The following CNTNAP2 variants were observed in gnomAD, a reference collection of about 807,000 sequenced individuals.
CNTNAP2 encodes contactin associated protein 2.
Under a neutral mutation model 155.2 loss-of-function variants are expected in CNTNAP2, and 98 were observed. That is an observed-to-expected ratio of 0.63 (90% CI 0.54 to 0.75). The LOEUF (loss-of-function observed/expected upper bound fraction) is 0.75, where lower values mean the gene tolerates loss of function less well. Among genes scored for constraint, CNTNAP2 ranks in the 30% least tolerant of loss-of-function variants. The pLI, the probability that CNTNAP2 is intolerant of heterozygous loss-of-function variation, is 0.00. For missense variants in CNTNAP2, 1,727 were observed against 1,688.1 expected (o/e 1.02, Z -0.40); for synonymous variants, 651 against 631.2 (o/e 1.03, Z -0.47).
chr7:147,207,190 A>G (rs1803040023), intron 8 of CNTNAP2, among the ~76,000 whole-genome samples: 2 of 152,166 alleles, frequency 1.3e-5, no homozygotes, highest in Admixed American at 6.5e-5. Context: ...GCCTTTTAAT[A>G]AAGAGGAAAA....
intron 3 of CNTNAP2, among the ~76,000 whole-genome samples, chr7:147,022,209 A>G (rs1282288118): frequency 2.0e-5 from 3 of 152,048 alleles, no homozygotes; most frequent in Non-Finnish European, 4.4e-5. Flanking sequence ...CTTTGGTCTG[A>G]TTTCATTGTA....
intron 3 of CNTNAP2, among the ~76,000 whole-genome samples, chr7:146,903,739 G>A (rs753423283): frequency 2.0e-5 from 3 of 152,134 alleles, no homozygotes; most frequent in Admixed American, 6.5e-5. Context: ...GCAAAGAGAA[G>A]ATATTAATCA....
intron 11 of CNTNAP2, among the ~76,000 whole-genome samples, chr7:147,549,996 A>C (rs1329725568): frequency 2.0e-5 from 3 of 152,156 alleles, no homozygotes; most frequent in Non-Finnish European, 4.4e-5. Context: ...ATTTTCTCTG[A>C]GGGGGGAATA....
chr7:146,225,741 A>G (rs1422443824), intron 1 of CNTNAP2, among the ~76,000 whole-genome samples: 1 of 152,210 alleles, frequency 6.6e-6, no homozygotes, highest in Non-Finnish European at 1.5e-5. Flanking sequence ...GAACTACAGT[A>G]GCTTGTCTTC....
chr7:146,261,456 A>G (rs926811341), intron 1 of CNTNAP2, among the ~76,000 whole-genome samples: 1 of 151,790 alleles, frequency 6.6e-6, no homozygotes, highest in Non-Finnish European at 1.5e-5. Context: ...ATAATAAATA[A>G]TATAGAATTT....
intron 3 of CNTNAP2, among the ~76,000 whole-genome samples, chr7:146,992,782 T>C (rs1246750520): frequency 6.6e-6 from 1 of 152,212 alleles, no homozygotes; most frequent in African/African-American, 2.4e-5. Flanking sequence ...ATACTTATTA[T>C]ATAAATTTTT....
At chr7:147,515,189 C>T (rs1219625936) in intron 11 of CNTNAP2, among the ~76,000 whole-genome samples, 1 of 152,142 alleles carries the variant, frequency 6.6e-6, no homozygotes, top group Non-Finnish European at 1.5e-5. Context: ...TCCATCAACT[C>T]CATCCAGTCA....
At chr7:146,463,039 G>A (rs1796662085) in intron 1 of CNTNAP2, among the ~76,000 whole-genome samples, 1 of 152,078 alleles carries the variant, frequency 6.6e-6, no homozygotes, top group African/African-American at 2.4e-5. Context: ...TTCGTCATGG[G>A]AGCAAGGGAA....
chr7:148,416,006 A>G lies in CNTNAP2; in HGVS notation c.*390A>G, dbSNP rs1370430047. The G allele has an allele frequency of 4.3e-6, 1 of 230,782 alleles. No homozygotes were observed. The highest frequency in any genetic ancestry group is 8.5e-6 in the Non-Finnish European group (1 of 118,334). The allele number at this position is 230,782 out of a possible 1,614,324, so 14.3% of individuals were successfully genotyped here. A position where few individuals can be genotyped will look rare whatever the true frequency, so the allele number is the denominator to read the frequency against. Reference sequence around the variant, plus strand: ...GAACGTGGGTATTTTTTTTCTTGAGAAAAGCTAATGCACCTACAGATGGCC... The same window carrying G: ...GAACGTGGGTATTTTTTTTCTTGAGGAAAGCTAATGCACCTACAGATGGCC... On this transcript the variant is annotated 3_prime_UTR_variant, in exon 24 of 24. Transcript: ENST00000361727.
rs74327904 is a variant in CNTNAP2, at chr7:147,587,467, A to G, written c.1897+25210A>G. On this transcript the variant is annotated intron_variant, in intron 12 of 23. Transcript: ENST00000361727. ...TGTTTTCTGCATGGCTGCTTTGCTT[A>G]CATTTCAGCATACTTTACCTCAGTT... 6.5e-3 allele frequency among the ~76,000 whole-genome samples: 991 copies of G among 152,310 alleles called. 11 individuals carry two copies. Among genetic ancestry groups the G allele is most frequent in the African/African-American group, 0.023 (949 of 41,572 alleles).
At chr7:146,588,042 A>G (rs1194098737) in intron 1 of CNTNAP2, among the ~76,000 whole-genome samples, 1 of 150,046 alleles carries the variant, frequency 6.7e-6, no homozygotes, top group East Asian at 2.0e-4. Context: ...GTAAATGTCA[A>G]TGGTATTAGA....
At chr7:147,525,360 T>C (rs1462270824) in intron 11 of CNTNAP2, among the ~76,000 whole-genome samples, 1 of 152,132 alleles carries the variant, frequency 6.6e-6, no homozygotes, top group East Asian at 1.9e-4. Context: ...TCAAAGTCCT[T>C]AAATCATATT....
At chr7:147,643,563 C>A (rs757822226) in intron 13 of CNTNAP2, 5 of 151,814 alleles carry the variant, frequency 3.3e-5, no homozygotes, top group Admixed American at 6.6e-5. Context: ...TTTCCTCCTT[C>A]ATGGTAACAT....
Position 148,295,316 on chromosome 7 carries a change from C to T in CNTNAP2, c.3475+28190C>T, listed in dbSNP as rs1009933002. ...AAATGAAATTGTAAAGACCCTAAGT[C>T]GTGCTCAAGGCTCTTCTTCTATCTT... On this transcript the variant is annotated intron_variant, in intron 21 of 23. Transcript: ENST00000361727. Among the ~76,000 whole-genome samples, 6 of 152,068 alleles carry T rather than the reference C, an allele frequency of 3.9e-5. No homozygotes were observed. The East Asian group carries it at 1.2e-3, about 29-fold the overall frequency.
intron 1 of CNTNAP2, among the ~76,000 whole-genome samples, chr7:146,294,322 C>T (rs1308614420): frequency 6.6e-6 from 1 of 152,140 alleles, no homozygotes; most frequent in Non-Finnish European, 1.5e-5. Context: ...AGCCGGACTG[C>T]GCAAAGGACT....
At chr7:147,713,038 C>T (rs537375108) in intron 13 of CNTNAP2, among the ~76,000 whole-genome samples, 27 of 152,244 alleles carry the variant, frequency 1.8e-4, no homozygotes, top group African/African-American at 6.0e-4. Flanking sequence ...CCTCATAATT[C>T]CGCAACCAAT....
Position 148,418,384 on chromosome 7 carries a change from T to C in CNTNAP2, c.*2768T>C, listed in dbSNP as rs1800040290. The C allele has an allele frequency of 6.6e-6, 1 of 152,224 alleles. No individual in the cohort carries two copies. The allele number at this position is 152,224 out of a possible 1,614,324, so 9.4% of individuals were successfully genotyped here. ...TGACATCTTACATTCCAATACATTA[T>C]CAAGCAAGCACAAGTATGCTGGTAG... On this transcript the variant is annotated 3_prime_UTR_variant, in exon 24 of 24. Coordinates refer to ENST00000361727, the MANE Select transcript of CNTNAP2 (RefSeq NM_014141.6).
intron 13 of CNTNAP2, among the ~76,000 whole-genome samples, chr7:147,827,452 A>G (rs1267777425): frequency 6.6e-6 from 1 of 152,214 alleles, no homozygotes; most frequent in East Asian, 1.9e-4. Flanking sequence ...ATAGCACATA[A>G]CAAAAAAAAT....
intron 1 of CNTNAP2, among the ~76,000 whole-genome samples, chr7:146,615,784 T>A (rs760367878): frequency 7.2e-5 from 11 of 152,200 alleles, no homozygotes; most frequent in Non-Finnish European, 1.2e-4. Context: ...AGACACAGTA[T>A]ACATTGCTTC....
Sources: gnomAD v4.1 joint callset for allele counts (sites outside exome capture counted in the v4.1 genomes callset) on GRCh38, gnomAD v4.1.1 for gene constraint, MANE v1.5 for transcripts, NCBI Gene and HGNC (gene_info 2026-07-23, HGNC 2026-07-21) for gene names.